FBRSL1: variants seen among roughly 807,000 people sequenced by gnomAD.
FBRSL1 encodes the protein fibrosin-1-like protein.
FBRSL1 carries 51 observed loss-of-function variants against 89.6 expected under a neutral mutation model. The ratio of observed to expected loss-of-function variants is 0.57; its 90% CI spans 0.45 to 0.72. FBRSL1 has a LOEUF of 0.72. Ranked by LOEUF, FBRSL1 falls within the 30% of genes least tolerant of loss-of-function variation. The pLI is 0.00. For missense variants in FBRSL1, 1,618 were observed against 1,451.8 expected (o/e 1.11, Z -1.86); for synonymous variants, 779 against 681.1 (o/e 1.14, Z -2.24).
Position 132,574,277 on chromosome 12 carries a change from C to A in FBRSL1, c.1600-42C>A, listed in dbSNP as rs550798265. On this transcript the variant is annotated intron_variant, in intron 12 of 18. Transcript: ENST00000680143. ...CCCCTGCACCCCCAGGACTCAGCCTCCTGAGGGGCCCGGACCTCACACTCC... is the reference window on the plus strand; with the variant it reads ...CCCCTGCACCCCCAGGACTCAGCCTACTGAGGGGCCCGGACCTCACACTCC... The A allele has an allele frequency of 6.8e-4, 1,019 of 1,492,108 alleles. 12 individuals are homozygous for A. In the East Asian group the frequency reaches 0.017, roughly 25 times the overall value. The allele number at this position is 1,492,108 out of a possible 1,614,324, so 92.4% of individuals were successfully genotyped here.
intron 2 of FBRSL1, among the ~76,000 whole-genome samples, chr12:132,522,422 A>G (rs924922489): frequency 6.6e-6 from 1 of 152,100 alleles, no homozygotes; most frequent in Non-Finnish European, 1.5e-5. Flanking sequence ...TGGAGCCACC[A>G]TGTTCCTACG....
At chr12:132,541,507 C>T (rs2037269617) in intron 4 of FBRSL1, among the ~76,000 whole-genome samples, 1 of 152,226 alleles carries the variant, frequency 6.6e-6, no homozygotes, top group Non-Finnish European at 1.5e-5. Context: ...GCGGTGCCCC[C>T]CCAGGCAGCC....
rs532838641 is a variant in FBRSL1, at chr12:132,558,925, T to A, written c.646-8556T>A. On this transcript the variant is annotated intron_variant, in intron 5 of 18. Transcript: ENST00000680143. ...CACGCAGCAGCTTGGAGAGGACCCG[T>A]CCTTAAACACTTCCCGACTGCCGGG... Among the ~76,000 whole-genome samples the A allele has an allele frequency of 5.3e-5, 8 of 152,346 alleles. No individual in the cohort carries two copies. In the East Asian group the frequency reaches 1.5e-3, roughly 29 times the overall value.
chr12:132,575,669 G>A (rs1027337860), intron 14 of FBRSL1, among the ~76,000 whole-genome samples: 1 of 152,256 alleles, frequency 6.6e-6, no homozygotes, highest in African/African-American at 2.4e-5. Context: ...GGAACTCGGG[G>A]CATGGTTGCT....
At chr12:132,582,003 T>TG (rs760030723) in intron 17 of FBRSL1, 59 bp from the exon 18 acceptor site, 9 of 1,433,348 alleles carry the variant, frequency 6.3e-6, no homozygotes, top group Admixed American at 6.2e-5. Context: ...CGGGTTCTCC[T>TG]GGGGAGTGGC....
intron 4 of FBRSL1, among the ~76,000 whole-genome samples, chr12:132,547,206 CGG>C (rs2037764089): frequency 6.7e-6 from 1 of 148,468 alleles, no homozygotes; most frequent in African/African-American, 2.5e-5. Context: ...AAACGGAGAA[CGG>C]ACAGTCAGTG....
chr12:132,518,007 G>A (rs898148423), intron 2 of FBRSL1, among the ~76,000 whole-genome samples: 4 of 152,096 alleles, frequency 2.6e-5, no homozygotes, highest in Admixed American at 2.6e-4. Context: ...CAACTCCAGA[G>A]CTGGCGGCAC....
Sources: gnomAD v4.1 joint callset for allele counts (sites outside exome capture counted in the v4.1 genomes callset) on GRCh38, gnomAD v4.1.1 for gene constraint, MANE v1.5 for transcripts, NCBI Gene and HGNC (gene_info 2026-07-23, HGNC 2026-07-21) for gene names.